STRIP1: variants seen among roughly 807,000 people sequenced by gnomAD.
STRIP1 encodes striatin-interacting protein 1.
STRIP1 carries 63 observed loss-of-function variants against 106.2 expected under a neutral mutation model. That is an observed-to-expected ratio of 0.59 (90% CI 0.48 to 0.73). The LOEUF is 0.73. Among genes scored for constraint, STRIP1 ranks in the 30% least tolerant of loss-of-function variants. The probability of loss-of-function intolerance (pLI) is 0.00; values close to 1 mark genes in which losing one functional copy is unlikely to be tolerated. For missense variants in STRIP1, 857 were observed against 1,074.8 expected (o/e 0.80, Z 2.83); for synonymous variants, 390 against 413.0 (o/e 0.94, Z 0.67).
At chr1:110,032,516 G>A (rs1056841709), upstream of STRIP1, among the ~76,000 whole-genome samples, 9 of 152,078 alleles carry the variant, frequency 5.9e-5, no homozygotes, top group Admixed American at 3.3e-4. Flanking sequence ...TTATTATTAC[G>A]CAACACTTCT....
In STRIP1 at chr1:110,051,009, T is replaced by C; in HGVS notation, c.2010T>C (p.Asn670=). The change falls in exon 19 of 21, where the codon AAT becomes AAC. Residue 670 remains asparagine (N), a synonymous_variant. Transcript: ENST00000369795. The part of the protein sequence containing the change: ...FCWRNLFSCI[N]LLRILNKLTK... ...GGAGGAACCTCTTTTCTTGTATCAA[T>C]CTGCTTCGGATCTTGAACAAGCTGA... 1 of 1,614,060 alleles carries C rather than the reference T, an allele frequency of 6.2e-7. No individual in the cohort carries two copies. Among genetic ancestry groups the C allele is most frequent in the Non-Finnish European group, 8.5e-7 (1 of 1,179,886 alleles).
intron 20 of STRIP1, 142 bp from the exon 21 acceptor site, chr1:110,053,523 G>A: frequency 8.4e-7 from 1 of 1,197,074 alleles, no homozygotes. Flanking sequence ...TTGGATCTAG[G>A]AAGGAATTCC....
intron 1 of STRIP1, among the ~76,000 whole-genome samples, chr1:110,036,561 T>G (rs576625381): frequency 2.2e-4 from 33 of 152,342 alleles, no homozygotes; most frequent in South Asian, 1.9e-3. Flanking sequence ...GAGAGTCTGA[T>G]GCCATGATCT....
chr1:110,033,836 C>T (rs560422897), upstream of STRIP1, among the ~76,000 whole-genome samples: 1 of 152,254 alleles, frequency 6.6e-6, no homozygotes, highest in South Asian at 2.1e-4. Context: ...CAGCAATAAT[C>T]CTGTTAGGTC....
Position 110,049,445 on chromosome 1 carries a change from T to TTTTA in STRIP1, c.1789-15_1789-14insTTTA. 6.5e-7 allele frequency: 1 copy of TTTTA among 1,533,928 alleles called. No homozygotes were observed. The highest frequency in any genetic ancestry group is 1.8e-4 in the Middle Eastern group (1 of 5,518). Reference sequence around the variant, plus strand: ...CCGCGCCTTTTTTTTTTTTTTTTTTTCCTGTTGGCTTCAGTTTGAATACAT... The same window carrying TTTTA: ...CCGCGCCTTTTTTTTTTTTTTTTTTTTTTACCTGTTGGCTTCAGTTTGAATACAT... On this transcript the variant is annotated splice_polypyrimidine_tract_variant and intron_variant, in intron 16 of 20. Transcript: ENST00000369795.
At chr1:110,038,068 T>G in intron 2 of STRIP1, 108 bp downstream of exon 2, 1 of 223,858 alleles carries the variant, frequency 4.5e-6, no homozygotes, top group East Asian at 7.3e-5. Flanking sequence ...CCTAGTTCTA[T>G]CAAATATATA....
At chr1:110,041,228 CG>C (rs1004924061) in intron 6 of STRIP1, 18 of 229,238 alleles carry the variant, frequency 7.9e-5, no homozygotes, top group African/African-American at 3.9e-4. Context: ...TGTTGCCTCC[CG>C]GGTGTTAGGA....
intron 13 of STRIP1, 48 bp downstream of exon 13, chr1:110,046,799 C>T (rs1259009097): frequency 6.8e-7 from 1 of 1,460,448 alleles, no homozygotes; most frequent in Non-Finnish European, 9.6e-7. Context: ...CGCCTGTAAT[C>T]CCAGCACTTT....
chr1:110,043,302 A>G lies in STRIP1; in HGVS notation c.1068+32A>G, dbSNP rs759324730. ...ACGACAGAGGTCCCTGTGACTCCTG[A>G]GGGCCCTCAAGGTGCATGCTTGCAG... On this transcript the variant is annotated intron_variant, in intron 9 of 20. Coordinates refer to ENST00000369795, the MANE Select transcript of STRIP1 (RefSeq NM_033088.4). The G allele has an allele frequency of 1.9e-6, 3 of 1,598,604 alleles. No individual in the cohort carries two copies. The African/African-American group carries it at 4.0e-5, about 21-fold the overall frequency.
upstream of STRIP1, among the ~76,000 whole-genome samples, chr1:110,032,624 A>C (rs1001105750): frequency 1.3e-5 from 2 of 152,188 alleles, no homozygotes; most frequent in Non-Finnish European, 2.9e-5. Flanking sequence ...TTACTTATTT[A>C]TGAAAGTGAT....
At chr1:110,047,413 T>C in intron 13 of STRIP1, 129 bp from the exon 14 acceptor site, 1 of 690,958 alleles carries the variant, frequency 1.4e-6, no homozygotes. Context: ...GTTCAGGGTT[T>C]GCTGTTATCA....
chr1:110,036,476 C>A (rs1652461713), intron 1 of STRIP1, among the ~76,000 whole-genome samples: 3 of 152,096 alleles, frequency 2.0e-5, no homozygotes, highest in African/African-American at 7.2e-5. Context: ...AAAATTTCCT[C>A]ATAGACTCAT....
intron 1 of STRIP1, among the ~76,000 whole-genome samples, chr1:110,035,545 A>G (rs1652410778): frequency 6.6e-6 from 1 of 152,152 alleles, no homozygotes; most frequent in Non-Finnish European, 1.5e-5. Context: ...TGGAGATGGC[A>G]TAGTCTGGAA....
At chr1:110,041,504 C>T in intron 6 of STRIP1, 32 bp from the exon 7 acceptor site, 1 of 1,557,312 alleles carries the variant, frequency 6.4e-7, no homozygotes, top group Non-Finnish European at 8.9e-7. Context: ...CCCCCCCATC[C>T]CACTCCATTG....
chr1:110,043,939 C>T, intron 10 of STRIP1, 83 bp downstream of exon 10: 1 of 1,273,452 alleles, frequency 7.9e-7, no homozygotes, highest in Non-Finnish European at 1.1e-6. Context: ...CCTGTGTCAC[C>T]ATGTGTGGTC....
At chr1:110,033,869 C>T (rs147255538), upstream of STRIP1, among the ~76,000 whole-genome samples, 2 of 152,360 alleles carry the variant, frequency 1.3e-5, no homozygotes, top group East Asian at 1.9e-4. Context: ...AACTTCTTAT[C>T]CTTGATGTTT....
chr1:110,043,349 A>C (rs997341034), intron 9 of STRIP1, 79 bp downstream of exon 9: 2 of 1,410,980 alleles, frequency 1.4e-6, no homozygotes, highest in Non-Finnish European at 1.9e-6. Context: ...TTGGAGGAGC[A>C]GGGCTGCTGG....
In STRIP1 at chr1:110,046,731, C is replaced by T. The variant is rs1278782722; in HGVS notation, c.1468C>T (p.Leu490Phe). 1 of 1,613,162 alleles carries T rather than the reference C, an allele frequency of 6.2e-7. No homozygotes were observed. Among genetic ancestry groups the T allele is most frequent in the South Asian group, 1.1e-5 (1 of 91,068 alleles). Residue 490 changes from leucine (L) to phenylalanine (F), a missense_variant, in exon 13 of 21, where the codon CTC (leucine) becomes TTC (phenylalanine). Physicochemically the swap from Leu to Phe is conservative, Grantham distance 22. Transcript: ENST00000369795. ...CCAGGCACAGATGGAGGAGGAATAC[C>T]TCCGCTCCCCTCTCTCAGGGGTAAG... ...EVQAQMEEEY[L>F]RSPLSGGEEE... is the part of the protein sequence containing the mutation.
At chr1:110,034,488 A>T (rs536454251), upstream of STRIP1, 1 of 823,044 alleles carries the variant, frequency 1.2e-6, no homozygotes, top group African/African-American at 1.8e-5. Flanking sequence ...TGCAGACAGA[A>T]TATCGCGAGG....
Sources: gnomAD v4.1 joint callset for allele counts (sites outside exome capture counted in the v4.1 genomes callset) on GRCh38, gnomAD v4.1.1 for gene constraint, MANE v1.5 for transcripts, NCBI Gene and HGNC (gene_info 2026-07-23, HGNC 2026-07-21) for gene names.